FBH1: variants seen among roughly 807,000 people sequenced by gnomAD.
FBH1 encodes F-box DNA helicase 1, also known as DNA 3'-5' helicase 1.
Under a neutral mutation model 115.5 loss-of-function variants are expected in FBH1, and 43 were observed. The observed-to-expected ratio is 0.37, with a 90% CI of 0.29 to 0.48. FBH1 has a LOEUF of 0.48. Among genes scored for constraint, FBH1 ranks in the 20% least tolerant of loss-of-function variants. The pLI is 0.99. For missense variants in FBH1, 1,001 were observed against 1,337.3 expected (o/e 0.75, Z 3.92); for synonymous variants, 524 against 507.8 (o/e 1.03, Z -0.43).
In FBH1 at chr10:5,921,393, A is replaced by G. The variant is rs769549506; in HGVS notation, c.2200+36A>G. ...TAGTTACTCTTCTCTTTTGTGTTAC[A>G]AAAGTTTTCCTCTTTATTTCAATTT... On this transcript the variant is annotated intron_variant, in intron 14 of 20. Transcript: ENST00000362091. This position sits in a 1 kb window ranked among gnomAD's most constrained non-coding sequence, Gnocchi z 6.4. 1 of 1,610,882 alleles carries G rather than the reference A, an allele frequency of 6.2e-7. No homozygotes were observed. Among genetic ancestry groups the G allele is most frequent in the Non-Finnish European group, 8.5e-7 (1 of 1,179,254 alleles).
rs1423940042 is a variant in FBH1, at chr10:5,909,019, A to G, written c.848A>G (p.Glu283Gly). Residue 283 changes from glutamate (E) to glycine (G), a missense_variant, in exon 4 of 21, where the codon GAA (glutamate) becomes GGA (glycine). By Grantham distance (98) the Glu-to-Gly change is moderately conservative. Coordinates refer to ENST00000362091, the MANE Select transcript of FBH1 (RefSeq NM_178150.3). The surrounding 1 kb of genome is among the most constrained non-coding windows in gnomAD (Gnocchi z 4.4). ...GGCATCCTGTCTAACTGTGGCATAG[A>G]AAAGGAGTCAGACCTGTGTGTGCTG... ...VDGILSNCGI[E>G]KESDLCVLNL... The G allele has an allele frequency of 1.9e-6, 3 of 1,614,216 alleles. No individual in the cohort carries two copies. The highest frequency in any genetic ancestry group is 2.2e-5 in the East Asian group (1 of 44,896).
chr10:5,907,927 C>G (rs565542146), intron 3 of FBH1, among the ~76,000 whole-genome samples: 1 of 152,176 alleles, frequency 6.6e-6, no homozygotes, highest in Non-Finnish European at 1.5e-5. Context: ...TGTGGCCTAA[C>G]AGGTGATCTA....
In FBH1 at chr10:5,911,146, G is replaced by C; in HGVS notation, c.1211+18G>C. On this transcript the variant is annotated intron_variant, in intron 6 of 20. Coordinates refer to ENST00000362091, the MANE Select transcript of FBH1 (RefSeq NM_178150.3). This position sits in a 1 kb window ranked among gnomAD's most constrained non-coding sequence, Gnocchi z 5.4. Reference sequence around the variant, plus strand: ...AGCAATAGGTAATGCCCCGGGAGGAGGGGAGGGGATGCTGTGATAATGGGA... The same window carrying C: ...AGCAATAGGTAATGCCCCGGGAGGACGGGAGGGGATGCTGTGATAATGGGA... 2 of 1,600,180 alleles carry C rather than the reference G, an allele frequency of 1.2e-6. No individual in the cohort carries two copies. Among genetic ancestry groups the C allele is most frequent in the South Asian group, 2.2e-5 (2 of 89,904 alleles).
In FBH1 at chr10:5,917,359, C is replaced by T. The variant is rs1361157380; in HGVS notation, c.1789-61C>T. 27 of 1,419,838 alleles carry T rather than the reference C, an allele frequency of 1.9e-5. No homozygotes were observed. Among genetic ancestry groups the T allele is most frequent in the East Asian group, 1.4e-4 (6 of 43,464 alleles). The allele number at this position is 1,419,838 out of a possible 1,614,324, so 88.0% of individuals were successfully genotyped here. A position where few individuals can be genotyped will look rare whatever the true frequency, so the allele number is the denominator to read the frequency against. On this transcript the variant is annotated intron_variant, in intron 10 of 20. Coordinates refer to ENST00000362091, the MANE Select transcript of FBH1 (RefSeq NM_178150.3). This position sits in a 1 kb window ranked among gnomAD's most constrained non-coding sequence, Gnocchi z 5.6. ...GCTGTATGGGAGTTGACAGTGTGAC[C>T]GCAGGGTGCTGCCTTTGCCAGGGTC...
rs1334877664 is a variant in FBH1, at chr10:5,921,338, G to A, written c.2181G>A (p.Leu727=). ...GCAAGAGAGTCAGGAAAAAGACTTTGGTTGGAGGAAACCATCAGAGTAAGG... is the reference window on the plus strand; with the variant it reads ...GCAAGAGAGTCAGGAAAAAGACTTTAGTTGGAGGAAACCATCAGAGTAAGG... ...DVCKRVRKKT[L]VGGNHQSGIR... The change falls in exon 14 of 21, where the codon TTG becomes TTA. Residue 727 remains leucine, a synonymous_variant. Transcript: ENST00000362091. This position sits in a 1 kb window ranked among gnomAD's most constrained non-coding sequence, Gnocchi z 6.4. The A allele has an allele frequency of 2.5e-6, 4 of 1,614,160 alleles. 1 individual carries two copies. The highest frequency in any genetic ancestry group is 2.2e-5 in the South Asian group (2 of 91,066).
chr10:5,926,899 A>G (rs1832686210), intron 18 of FBH1, among the ~76,000 whole-genome samples: 1 of 152,250 alleles, frequency 6.6e-6, no homozygotes, highest in Non-Finnish European at 1.5e-5. Context: ...GTTGAACAGC[A>G]CAGACACACA....
In FBH1 at chr10:5,935,458, G is replaced by C. The variant is rs756437116; in HGVS notation, c.2830-998G>C. 1 of 152,220 alleles carries C rather than the reference G, an allele frequency of 6.6e-6. No homozygotes were observed. Among genetic ancestry groups the C allele is most frequent in the Non-Finnish European group, 1.5e-5 (1 of 68,048 alleles). The allele number at this position is 152,220 out of a possible 1,614,324, so 9.4% of individuals were successfully genotyped here. A position where few individuals can be genotyped will look rare whatever the true frequency, so the allele number is the denominator to read the frequency against. On this transcript the variant is annotated intron_variant, in intron 19 of 20. Transcript: ENST00000362091. This position sits in a 1 kb window ranked among gnomAD's most constrained non-coding sequence, Gnocchi z 5.2. ...CGAGAAGCTATTTCACCGTGGGTTG[G>C]AGGGACCTCGCCAGGTTCATGGTCT...
chr10:5,921,122 G>C lies in FBH1; in HGVS notation c.2101-136G>C. 1.5e-6 allele frequency: 1 copy of C among 681,296 alleles called. No homozygotes were observed. Among genetic ancestry groups the C allele is most frequent in the Admixed American group, 2.8e-5 (1 of 35,244 alleles). The allele number at this position is 681,296 out of a possible 1,614,324, so 42.2% of individuals were successfully genotyped here. ...TGTGAAGGACCTTGAAAGTGAGCCT[G>C]TGAAGTTCGCTTTCCATGCGGGGGG... is the stretch of plus-strand genomic sequence containing the variant. On this transcript the variant is annotated intron_variant, in intron 13 of 20. Coordinates refer to ENST00000362091, the MANE Select transcript of FBH1 (RefSeq NM_178150.3). This position sits in a 1 kb window ranked among gnomAD's most constrained non-coding sequence, Gnocchi z 6.4.
In FBH1 at chr10:5,936,645, CTG is replaced by C; in HGVS notation, c.2961+61_2961+62del. 6.3e-7 allele frequency: 1 copy of C among 1,597,492 alleles called. No individual in the cohort carries two copies. Among genetic ancestry groups the C allele is most frequent in the Admixed American group, 1.7e-5 (1 of 59,772 alleles). On this transcript the variant is annotated intron_variant, in intron 20 of 20. Transcript: ENST00000362091. This position sits in a 1 kb window ranked among gnomAD's most constrained non-coding sequence, Gnocchi z 5.6. ...CATTTGCATTTTTTGCTTGTGAGCT[CTG>C]TGCTTATCTGGGTTGTAGGTGAGGA...
At position 5,937,100 on chromosome 10, in the gene FBH1, A is replaced by C. The variant is rs959680337; in HGVS notation, c.2962-10A>C. 1 of 1,588,476 alleles carries C rather than the reference A, an allele frequency of 6.3e-7. No homozygotes were observed. Among genetic ancestry groups the C allele is most frequent in the African/African-American group, 1.3e-5 (1 of 74,180 alleles). On this transcript the variant is annotated splice_polypyrimidine_tract_variant and intron_variant, in intron 20 of 20. Transcript: ENST00000362091. ...TTCCCCTTAGCTCTCTCTCTTGTCC[A>C]TCACCACAGAGCAACAGGAAGGAAA...
At position 5,932,803 on chromosome 10, in the gene FBH1, C is replaced by T. The variant is rs999280564; in HGVS notation, c.2830-3653C>T. ...CACAATCTTGGCCCACTGCAACCTC[C>T]GCCTCCCAGGCTCAAGCCATCCTCC... On this transcript the variant is annotated intron_variant, in intron 19 of 20. Transcript: ENST00000362091. The surrounding 1 kb of genome is among the most constrained non-coding windows in gnomAD (Gnocchi z 5.9). Among the ~76,000 whole-genome samples, 7 of 152,120 alleles carry T rather than the reference C, an allele frequency of 4.6e-5. No individual in the cohort carries two copies. Among genetic ancestry groups the T allele is most frequent in the African/African-American group, 1.4e-4 (6 of 41,412 alleles).
Position 5,917,590 on chromosome 10 carries a change from G to C in FBH1, c.1877G>C (p.Gly626Ala). 1.9e-6 allele frequency: 3 copies of C among 1,614,124 alleles called. No homozygotes were observed. Among genetic ancestry groups the C allele is most frequent in the Non-Finnish European group, 2.5e-6 (3 of 1,180,008 alleles). ...ACTCCTGCGTCTCTCCTTATTTTAGGCTACTTGAAACTCTGGCAGCTGAGC... is the reference window on the plus strand; with the variant it reads ...ACTCCTGCGTCTCTCCTTATTTTAGCCTACTTGAAACTCTGGCAGCTGAGC... ...TEEAHQMTHDGYLKLWQLSKP... is the reference protein window; with the variant it reads ...TEEAHQMTHDAYLKLWQLSKP... Residue 626 changes from glycine (G) to alanine (A), a missense_variant and splice_region_variant, in exon 12 of 21, where the codon GGC becomes GCC. By Grantham distance (60) the Gly-to-Ala change is moderately conservative. Transcript: ENST00000362091. This position sits in a 1 kb window ranked among gnomAD's most constrained non-coding sequence, Gnocchi z 5.6.
At chr10:5,930,105 A>G (rs753272593) in intron 19 of FBH1, among the ~76,000 whole-genome samples, 15 of 152,198 alleles carry the variant, frequency 9.9e-5, no homozygotes, top group Non-Finnish European at 1.8e-4. Flanking sequence ...AATACACTGA[A>G]CATTCATATA....
intron 13 of FBH1, among the ~76,000 whole-genome samples, chr10:5,920,147 A>C (rs2132037081): frequency 6.6e-6 from 1 of 152,308 alleles, no homozygotes; most frequent in East Asian, 1.9e-4. Flanking sequence ...TGTGACCTTC[A>C]CATTTTCCAG....
At chr10:5,920,398 C>T (rs1473614662) in intron 13 of FBH1, among the ~76,000 whole-genome samples, 1 of 152,108 alleles carries the variant, frequency 6.6e-6, no homozygotes, top group African/African-American at 2.4e-5. Flanking sequence ...TTTTTTTCAT[C>T]CTTTCCTTAC....
At chr10:5,890,095 G>A (rs1043363427), upstream of FBH1, 42 of 315,524 alleles carry the variant, frequency 1.3e-4, 1 homozygote, top group Non-Finnish European at 1.9e-4. Context: ...TTCGATTGGC[G>A]TTAGTGGCCG....
At chr10:5,928,102 C>G (rs960207951) in intron 19 of FBH1, among the ~76,000 whole-genome samples, 14 of 148,136 alleles carry the variant, frequency 9.5e-5, no homozygotes, top group South Asian at 2.1e-4. Flanking sequence ...AAAAAGATAC[C>G]AGCAGTGGTC....
chr10:5,927,582 A>G lies in FBH1; in HGVS notation c.2829+41A>G, dbSNP rs558333130. 2.4e-5 allele frequency: 37 copies of G among 1,520,544 alleles called. No homozygotes were observed. The South Asian group carries it at 3.7e-4, about 15-fold the overall frequency. The allele number at this position is 1,520,544 out of a possible 1,614,324, so 94.2% of individuals were successfully genotyped here. On this transcript the variant is annotated intron_variant, in intron 19 of 20. Transcript: ENST00000362091. ...AGCATGAGCTAACTTGATGCCATTGAATGTTATTTAGTCTGCTTGAGGGGC... is the reference window on the plus strand; with the variant it reads ...AGCATGAGCTAACTTGATGCCATTGGATGTTATTTAGTCTGCTTGAGGGGC...
intron 1 of FBH1, among the ~76,000 whole-genome samples, chr10:5,896,403 T>TGG (rs960249089): frequency 6.6e-5 from 10 of 151,996 alleles, no homozygotes; most frequent in African/African-American, 2.4e-4. Context: ...CAAAGAGAGG[T>TGG]GGGTCCTGGA....
Sources: gnomAD v4.1 joint callset for allele counts (sites outside exome capture counted in the v4.1 genomes callset) on GRCh38, gnomAD v4.1.1 for gene constraint, Gnocchi (gnomAD v3.1) non-coding constraint, MANE v1.5 for transcripts, NCBI Gene and HGNC (gene_info 2026-07-23, HGNC 2026-07-21) for gene names.